Variants in PRKAR2A observed in about 807,000 individuals in gnomAD.
PRKAR2A encodes the protein protein kinase cAMP-dependent type II regulatory subunit alpha.
In PRKAR2A, 29 loss-of-function variants were observed where a neutral mutation model predicts 51.9. That is an observed-to-expected ratio of 0.56 (90% CI 0.42 to 0.76). The LOEUF (loss-of-function observed/expected upper bound fraction) is 0.76, where lower values mean the gene tolerates loss of function less well. PRKAR2A is among the 30% of genes least tolerant of loss of function. The pLI, the probability that PRKAR2A is intolerant of heterozygous loss-of-function variation, is 0.00. For synonymous variants in PRKAR2A, 178 were observed against 186.2 expected, an observed-to-expected ratio of 0.96 and a Z score of 0.36; for missense variants, 445 against 512.1, an observed-to-expected ratio of 0.87 and a Z score of 1.26.
intron 4 of PRKAR2A, among the ~76,000 whole-genome samples, chr3:48,786,842 G>GCAAT (rs2082301572): frequency 6.6e-6 from 1 of 152,030 alleles, no homozygotes; most frequent in Non-Finnish European, 1.5e-5. Context: ...AACATTGCTG[G>GCAAT]CAATAAGACA....
chr3:48,793,132 T>A (rs1000366827), intron 3 of PRKAR2A, among the ~76,000 whole-genome samples: 5 of 151,994 alleles, frequency 3.3e-5, no homozygotes, highest in African/African-American at 4.8e-5. Context: ...TCAAATTTTT[T>A]AATTTACGAA....
chr3:48,835,128 C>A (rs1028564315), intron 1 of PRKAR2A, among the ~76,000 whole-genome samples: 2 of 152,094 alleles, frequency 1.3e-5, no homozygotes, highest in African/African-American at 2.4e-5. Context: ...TACACCACCA[C>A]GCCTGCAAAT....
At chr3:48,846,362 G>C (rs1022669172) in intron 1 of PRKAR2A, among the ~76,000 whole-genome samples, 22 of 151,800 alleles carry the variant, frequency 1.4e-4, no homozygotes, top group African/African-American at 4.4e-4. Flanking sequence ...GACTACAGAC[G>C]CCCGCCACCA....
intron 9 of PRKAR2A, among the ~76,000 whole-genome samples, chr3:48,754,075 G>GT (rs1427132172): frequency 6.7e-6 from 1 of 150,236 alleles, no homozygotes; most frequent in Non-Finnish European, 1.5e-5. Context: ...TATTTTTTGT[G>GT]TTTTTTAGTA....
At chr3:48,800,497 G>A (rs2082571100) in intron 2 of PRKAR2A, among the ~76,000 whole-genome samples, 1 of 149,988 alleles carries the variant, frequency 6.7e-6, no homozygotes, top group Non-Finnish European at 1.5e-5. Flanking sequence ...GAGTAACAGA[G>A]CGAGACTCCG....
chr3:48,835,824 C>A (rs1432750553), intron 1 of PRKAR2A, among the ~76,000 whole-genome samples: 1 of 151,388 alleles, frequency 6.6e-6, no homozygotes, highest in Non-Finnish European at 1.5e-5. Flanking sequence ...ATAGCCAAAA[C>A]AATTCTAAAA....
intron 3 of PRKAR2A, among the ~76,000 whole-genome samples, chr3:48,790,943 C>G (rs2082371941): frequency 6.6e-6 from 1 of 150,720 alleles, no homozygotes; most frequent in South Asian, 2.1e-4. Context: ...TGAGCATCGA[C>G]TCAAAAAAAA....
intron 2 of PRKAR2A, among the ~76,000 whole-genome samples, chr3:48,796,462 C>T (rs2082492250): frequency 6.6e-6 from 1 of 152,112 alleles, no homozygotes; most frequent in African/African-American, 2.4e-5. Flanking sequence ...TATTTCTACC[C>T]TTACAACTTT....
intron 5 of PRKAR2A, among the ~76,000 whole-genome samples, chr3:48,779,694 C>T (rs1484663683): frequency 6.6e-6 from 1 of 150,918 alleles, no homozygotes; most frequent in Non-Finnish European, 1.5e-5. Flanking sequence ...GCAGGAGAAT[C>T]GCTTGAACCC....
intron 5 of PRKAR2A, among the ~76,000 whole-genome samples, chr3:48,777,072 G>A (rs1270821043): frequency 3.9e-5 from 6 of 151,978 alleles, no homozygotes; most frequent in Non-Finnish European, 7.4e-5. Context: ...CGGTGCTGAC[G>A]GGGAGTTCAA....
intron 1 of PRKAR2A, among the ~76,000 whole-genome samples, chr3:48,835,099 G>T (rs1389696174): frequency 6.6e-6 from 1 of 151,902 alleles, no homozygotes; most frequent in East Asian, 1.9e-4. Context: ...AGCCTCCAGA[G>T]TTGCTGGGAC....
At chr3:48,777,074 G>A (rs756048468) in intron 5 of PRKAR2A, among the ~76,000 whole-genome samples, 3 of 151,992 alleles carry the variant, frequency 2.0e-5, no homozygotes, top group African/African-American at 2.4e-5. Context: ...GTGCTGACGG[G>A]GAGTTCAATC....
At chr3:48,780,173 C>T (rs1440458672) in intron 5 of PRKAR2A, among the ~76,000 whole-genome samples, 3 of 149,624 alleles carry the variant, frequency 2.0e-5, no homozygotes, top group African/African-American at 7.4e-5. Context: ...CAAAAAAAAA[C>T]AAAAAAACCT....
intron 1 of PRKAR2A, among the ~76,000 whole-genome samples, chr3:48,808,347 G>A (rs1443596822): frequency 6.6e-6 from 1 of 151,576 alleles, no homozygotes; most frequent in African/African-American, 2.4e-5. Flanking sequence ...TCCGCCTCCC[G>A]GCTTCATGCC....
In PRKAR2A at chr3:48,794,025, T is replaced by G; in HGVS notation, c.323A>C (p.Asp108Ala). 1 of 1,606,254 alleles carries G rather than the reference T, an allele frequency of 6.2e-7. No individual in the cohort carries two copies. The highest frequency in any genetic ancestry group is 8.5e-7 in the Non-Finnish European group (1 of 1,173,032). The change falls in exon 3 of 11, where the codon GAT (aspartate) becomes GCT (alanine). Residue 108 changes from aspartate to alanine, a missense_variant. Physicochemically the swap from Asp to Ala is moderately radical, Grantham distance 126 (BLOSUM62 -2). Coordinates refer to ENST00000265563, the MANE Select transcript of PRKAR2A (RefSeq NM_004157.4). ...TGGATCTGTATCTTCCTCTTCCTCA[T>G]CAGGGTTATAGGTCTCAGCACAGAC... Reference protein sequence around the residue: ...VSVCAETYNPDEEEEDTDPRV... With the variant: ...VSVCAETYNPAEEEEDTDPRV...
At chr3:48,807,465 T>C (rs1436374593) in intron 2 of PRKAR2A, among the ~76,000 whole-genome samples, 184 bp downstream of exon 2, 4 of 152,132 alleles carry the variant, frequency 2.6e-5, no homozygotes, top group African/African-American at 9.7e-5. Context: ...AATTATAGTA[T>C]AAAATACGTA....
chr3:48,803,627 T>C (rs555103373), intron 2 of PRKAR2A, among the ~76,000 whole-genome samples: 29 of 152,280 alleles, frequency 1.9e-4, no homozygotes, highest in African/African-American at 6.7e-4. Flanking sequence ...GGTTTCACCA[T>C]CTTGGCCAGT....
At chr3:48,799,671 T>C (rs1015615450) in intron 2 of PRKAR2A, among the ~76,000 whole-genome samples, 2 of 152,178 alleles carry the variant, frequency 1.3e-5, no homozygotes, top group Non-Finnish European at 2.9e-5. Context: ...AATGCAGAAG[T>C]AGGTGACTGA....
chr3:48,822,954 C>A (rs1298754459), intron 1 of PRKAR2A, among the ~76,000 whole-genome samples: 1 of 152,010 alleles, frequency 6.6e-6, no homozygotes, highest in Non-Finnish European at 1.5e-5. Flanking sequence ...GCTTTGGAAT[C>A]ACAAATATTT....
Sources: allele counts gnomAD v4.1 joint callset (sites outside exome capture counted in the v4.1 genomes callset), GRCh38; gene constraint gnomAD v4.1.1; transcripts MANE v1.5; gene names NCBI Gene and HGNC (gene_info 2026-07-23, HGNC 2026-07-21).